The following SLC45A2 variants were observed in gnomAD, a reference collection of about 807,000 sequenced individuals.
The protein encoded by SLC45A2 is solute carrier family 45 member 2, also known as membrane-associated transporter protein.
In SLC45A2, 36 loss-of-function variants were observed where a neutral mutation model predicts 45.5. That is an observed-to-expected ratio of 0.79 (90% CI 0.61 to 1.04). The LOEUF (loss-of-function observed/expected upper bound fraction) is 1.04, where lower values mean the gene tolerates loss of function less well. Ranked by LOEUF, SLC45A2 falls within the 50% of genes least tolerant of loss-of-function variation. The pLI is 0.00. For missense variants in SLC45A2, 719 were observed against 671.0 expected (o/e 1.07, Z -0.79); for synonymous variants, 306 against 269.3 (o/e 1.14, Z -1.33).
chr5:33,956,758 T>A (rs1395644276), intron 3 of SLC45A2, among the ~76,000 whole-genome samples: 1 of 152,194 alleles, frequency 6.6e-6, no homozygotes, highest in Non-Finnish European at 1.5e-5. Flanking sequence ...AGGGCACCCA[T>A]GGTTTTTCAG....
At chr5:33,949,509 G>A (rs1000575124) in intron 5 of SLC45A2, among the ~76,000 whole-genome samples, 1 of 152,170 alleles carries the variant, frequency 6.6e-6, no homozygotes, top group Non-Finnish European at 1.5e-5. Flanking sequence ...CATTGAGGGT[G>A]GTTAATTGAT....
At chr5:33,951,438 G>T in intron 5 of SLC45A2, 116 bp downstream of exon 5, 1 of 1,599,728 alleles carries the variant, frequency 6.3e-7, no homozygotes, top group Non-Finnish European at 8.5e-7. Flanking sequence ...GACGTCCATA[G>T]ATTTATTAAG....
intron 3 of SLC45A2, among the ~76,000 whole-genome samples, chr5:33,962,542 G>A (rs1193000079): frequency 6.6e-6 from 1 of 152,188 alleles, no homozygotes; most frequent in Non-Finnish European, 1.5e-5. Context: ...AGGCACTCTA[G>A]TGTTCTGCCA....
Position 33,947,033 on chromosome 5 carries a change from T to C in SLC45A2, c.1368+130A>G. ...GTACCAGATCATGGTTGCAGTTGGT[T>C]GGGCATTTGACTGTTGCTGTTTCAA... is the stretch of plus-strand genomic sequence containing the variant. On this transcript the variant is annotated intron_variant, in intron 6 of 6. Transcript: ENST00000296589. 2.5e-6 allele frequency: 4 copies of C among 1,603,958 alleles called. No homozygotes were observed. In the Admixed American group the frequency reaches 6.7e-5, roughly 27 times the overall value.
chr5:33,953,147 T>G (rs1752167572), intron 4 of SLC45A2, among the ~76,000 whole-genome samples: 1 of 149,586 alleles, frequency 6.7e-6, no homozygotes, highest in African/African-American at 2.5e-5. Context: ...AGTGCCGCAG[T>G]AAACATACGT....
intron 2 of SLC45A2, among the ~76,000 whole-genome samples, chr5:33,978,442 T>A (rs1752990296): frequency 1.3e-5 from 2 of 152,056 alleles, no homozygotes. Context: ...TTAGAGAGCC[T>A]GACACCTTCT....
chr5:33,958,993 C>T (rs761016980), intron 3 of SLC45A2, among the ~76,000 whole-genome samples: 52 of 152,184 alleles, frequency 3.4e-4, no homozygotes, highest in Non-Finnish European at 5.7e-4. Context: ...TTAGTAAAAC[C>T]GCACCTTGTT....
intron 2 of SLC45A2, among the ~76,000 whole-genome samples, chr5:33,976,123 G>T (rs1312709799): frequency 1.3e-5 from 2 of 152,144 alleles, no homozygotes; most frequent in Non-Finnish European, 2.9e-5. Flanking sequence ...TGTTTTGTGG[G>T]CGTTAGTGAC....
Position 33,982,320 on chromosome 5 carries a change from C to A in SLC45A2, c.478G>T (p.Asp160Tyr), listed in dbSNP as rs760780597. ...AATAAGTAGGCTTTGATGGGCCCATCAATGAAGTCGGCAGCAAAATCAAAG... is the reference window on the plus strand; with the variant it reads ...AATAAGTAGGCTTTGATGGGCCCATAAATGAAGTCGGCAGCAAAATCAAAG... ...VLFDFAADFI[D>Y]GPIKAYLFDV... The change falls in exon 2 of 7, where the codon GAT becomes TAT. Residue 160 changes from aspartate to tyrosine, a missense_variant. Transcript: ENST00000296589. The A allele has an allele frequency of 1.2e-6, 2 of 1,614,026 alleles. No homozygotes were observed. Among genetic ancestry groups the A allele is most frequent in the African/African-American group, 2.7e-5 (2 of 74,898 alleles).
intron 2 of SLC45A2, among the ~76,000 whole-genome samples, chr5:33,976,876 C>T (rs187591120): frequency 6.6e-6 from 1 of 152,292 alleles, no homozygotes; most frequent in African/African-American, 2.4e-5. Flanking sequence ...ACATCCCATC[C>T]AAGCTTCAGG....
chr5:33,955,570 G>A (rs1184332963), intron 3 of SLC45A2, among the ~76,000 whole-genome samples: 1 of 152,060 alleles, frequency 6.6e-6, no homozygotes, highest in Non-Finnish European at 1.5e-5. Flanking sequence ...CCTAATGATA[G>A]CAGAAACATG....
chr5:33,954,638 A>G (rs1752223595), intron 3 of SLC45A2, 134 bp from the exon 4 acceptor site: 9 of 1,296,980 alleles, frequency 6.9e-6, no homozygotes, highest in Non-Finnish European at 9.7e-6. Context: ...CTGGACATGG[A>G]ACTAGGTTTC....
chr5:33,947,152 T>A lies in SLC45A2; in HGVS notation c.1368+11A>T. 2 of 1,614,242 alleles carry A rather than the reference T, an allele frequency of 1.2e-6. No homozygotes were observed. The highest frequency in any genetic ancestry group is 2.2e-5 in the East Asian group (1 of 44,886). ...GATGTTACCCAAGGCAGAGGTTCAA[T>A]GACAGCACACCTCCTTTTCTTCCTC... On this transcript the variant is annotated intron_variant, in intron 6 of 6. Coordinates refer to ENST00000296589, the MANE Select transcript of SLC45A2 (RefSeq NM_016180.5).
chr5:33,948,397 C>T (rs867725014), intron 5 of SLC45A2, among the ~76,000 whole-genome samples: 36 of 152,352 alleles, frequency 2.4e-4, no homozygotes, highest in African/African-American at 8.4e-4. Context: ...TTCCTCATCT[C>T]TTCCCTGCCC....
At chr5:33,949,722 C>T (rs1467657118) in intron 5 of SLC45A2, among the ~76,000 whole-genome samples, 1 of 152,042 alleles carries the variant, frequency 6.6e-6, no homozygotes, top group Non-Finnish European at 1.5e-5. Context: ...AACTATTCAA[C>T]TAATAATTTC....
At chr5:33,959,281 G>A (rs1015838034) in intron 3 of SLC45A2, among the ~76,000 whole-genome samples, 7 of 151,894 alleles carry the variant, frequency 4.6e-5, no homozygotes, top group South Asian at 2.1e-4. Flanking sequence ...GTAAACCTTC[G>A]GAAACATACA....
chr5:33,969,919 G>A (rs2111980584), intron 2 of SLC45A2, among the ~76,000 whole-genome samples: 1 of 152,330 alleles, frequency 6.6e-6, no homozygotes, highest in Middle Eastern at 3.4e-3. Flanking sequence ...TCGTTCTGGA[G>A]CCATTTATGG....
chr5:33,954,359 A>T lies in SLC45A2; in HGVS notation c.1032+2T>A. 1 of 1,614,042 alleles carries T rather than the reference A, an allele frequency of 6.2e-7. No homozygotes were observed. On this transcript the variant is annotated splice_donor_variant, in intron 4 of 6. Transcript: ENST00000296589. LOFTEE classifies it high-confidence loss of function. The stretch of plus-strand genomic sequence containing the variant: ...GATTGTGTGCACAGACACGTTCATT[A>T]CCTGGCCCATGAAATCTGTGAAGAA...
chr5:33,969,071 G>C (rs1305479448), intron 2 of SLC45A2, among the ~76,000 whole-genome samples: 782 of 44,996 alleles, frequency 0.017, 6 homozygotes, highest in African/African-American at 0.048. Flanking sequence ...CTCTCTGTGT[G>C]TGTGTGTGTG....
Sources: allele counts gnomAD v4.1 joint callset (sites outside exome capture counted in the v4.1 genomes callset), GRCh38; gene constraint gnomAD v4.1.1; transcripts MANE v1.5; gene names NCBI Gene and HGNC (gene_info 2026-07-23, HGNC 2026-07-21).